Variants in ARFGAP3 observed in about 807,000 individuals in gnomAD.
ARFGAP3 encodes ARF GTPase activating protein 3, also known as ADP-ribosylation factor GTPase-activating protein 3.
Under a neutral mutation model 75.0 loss-of-function variants are expected in ARFGAP3, and 72 were observed. That is an observed-to-expected ratio of 0.96 (90% CI 0.79 to 1.17). ARFGAP3 has a LOEUF of 1.17. ARFGAP3 is among the 50% of genes most tolerant of loss of function. The pLI is 0.00. For synonymous variants in ARFGAP3, 221 were observed against 217.9 expected, an observed-to-expected ratio of 1.01 and a Z score of -0.13; for missense variants, 620 against 626.6, an observed-to-expected ratio of 0.99 and a Z score of 0.11.
Position 42,851,747 on chromosome 22 carries a change from G to C in ARFGAP3, c.70-4115C>G, listed in dbSNP as rs533234296. 2.0e-5 allele frequency among the ~76,000 whole-genome samples: 3 copies of C among 152,354 alleles called. No individual in the cohort carries two copies. In the South Asian group the frequency reaches 6.2e-4, roughly 32 times the overall value. The stretch of plus-strand genomic sequence containing the variant: ...AAGTCAAGATGTGGCTTTTAAAGCA[G>C]AACATCAGTTCTTATGGTGATGAGC... On this transcript the variant is annotated intron_variant, in intron 1 of 15. Coordinates refer to ENST00000263245, the MANE Select transcript of ARFGAP3 (RefSeq NM_014570.5).
chr22:42,835,582 G>GATT, intron 3 of ARFGAP3, 89 bp from the exon 4 acceptor site: 2 of 1,478,896 alleles, frequency 1.4e-6, no homozygotes, highest in Non-Finnish European at 1.8e-6. Flanking sequence ...AGCACTCTGG[G>GATT]AGGCCGAGGC....
At chr22:42,836,026 A>G (rs1926507590) in intron 3 of ARFGAP3, among the ~76,000 whole-genome samples, 1 of 129,034 alleles carries the variant, frequency 7.7e-6, no homozygotes, top group Non-Finnish European at 1.6e-5. Context: ...TCTATTACCC[A>G]GGCTGCAATG....
chr22:42,810,682 G>C (rs1268267795), intron 12 of ARFGAP3, 131 bp downstream of exon 12: 3 of 760,718 alleles, frequency 3.9e-6, no homozygotes, highest in Admixed American at 2.3e-5. Flanking sequence ...GCCTCTTAAA[G>C]TGCTGGGATT....
chr22:42,839,434 A>G (rs533216986), intron 3 of ARFGAP3, among the ~76,000 whole-genome samples: 1 of 151,848 alleles, frequency 6.6e-6, no homozygotes, highest in Non-Finnish European at 1.5e-5. Flanking sequence ...CCTCGTCTCT[A>G]CTAAAAATAC....
At chr22:42,809,113 A>G (rs1180804766) in intron 12 of ARFGAP3, 6 of 198,032 alleles carry the variant, frequency 3.0e-5, no homozygotes, top group Non-Finnish European at 5.4e-5. Flanking sequence ...GTTATTTCAC[A>G]TTTCAGTTCA....
chr22:42,827,515 C>T (rs1374073453), intron 6 of ARFGAP3, among the ~76,000 whole-genome samples: 1 of 152,102 alleles, frequency 6.6e-6, no homozygotes, highest in Non-Finnish European at 1.5e-5. Flanking sequence ...TACAGGCATG[C>T]GCCACCATGC....
intron 6 of ARFGAP3, among the ~76,000 whole-genome samples, chr22:42,830,560 G>T (rs1401412366): frequency 6.6e-6 from 1 of 152,162 alleles, no homozygotes; most frequent in Non-Finnish European, 1.5e-5. Flanking sequence ...GTTGTCCAAA[G>T]TTACATTTTT....
chr22:42,831,341 G>A (rs1239501652), intron 6 of ARFGAP3, among the ~76,000 whole-genome samples: 1 of 140,924 alleles, frequency 7.1e-6, no homozygotes, highest in Non-Finnish European at 1.5e-5. Context: ...TTAGGTTTCA[G>A]TTTTTTTTTT....
intron 2 of ARFGAP3, 47 bp downstream of exon 2, chr22:42,847,467 T>C (rs376037528): frequency 2.6e-5 from 39 of 1,503,610 alleles, no homozygotes; most frequent in Non-Finnish European, 3.5e-5. Context: ...AAAACACCCA[T>C]GTAACAATGT....
chr22:42,843,251 A>G (rs1926866056), intron 2 of ARFGAP3, among the ~76,000 whole-genome samples: 1 of 152,228 alleles, frequency 6.6e-6, no homozygotes, highest in Non-Finnish European at 1.5e-5. Flanking sequence ...AAAGCGCTCC[A>G]CAATATGACA....
chr22:42,807,531 C>A (rs1205744743), intron 13 of ARFGAP3, among the ~76,000 whole-genome samples: 1 of 152,188 alleles, frequency 6.6e-6, no homozygotes, highest in African/African-American at 2.4e-5. Flanking sequence ...TAAAACTGAA[C>A]TTGAATGTCA....
At chr22:42,839,861 A>G (rs1926702654) in intron 3 of ARFGAP3, among the ~76,000 whole-genome samples, 1 of 151,958 alleles carries the variant, frequency 6.6e-6, no homozygotes, top group South Asian at 2.1e-4. Flanking sequence ...GATCTTGATT[A>G]TTTTTATTTA....
intron 2 of ARFGAP3, among the ~76,000 whole-genome samples, chr22:42,841,935 T>C (rs1205426958): frequency 6.7e-6 from 1 of 150,164 alleles, no homozygotes; most frequent in Non-Finnish European, 1.5e-5. Context: ...TCACAGCTCA[T>C]TGCAGCCTCA....
In ARFGAP3 at chr22:42,838,290, A is replaced by ATATATATT. The variant is rs1555899059; in HGVS notation, c.261+2653_261+2654insAATATATA. ...TACACACACACATATATATATATAT[A>ATATATATT]TTTTTTTTTTCTTTTTTTTTTTTCT... On this transcript the variant is annotated intron_variant, in intron 3 of 15. Transcript: ENST00000263245. 9.0e-4 allele frequency among the ~76,000 whole-genome samples: 124 copies of ATATATATT among 137,182 alleles called. 1 individual carries two copies. The highest frequency in any genetic ancestry group is 2.5e-3 in the South Asian group (11 of 4,394). 90.0% of individuals were successfully genotyped at this position (137,182 alleles called of 152,430 possible).
chr22:42,839,640 A>C (rs947350706), intron 3 of ARFGAP3, among the ~76,000 whole-genome samples: 2 of 151,568 alleles, frequency 1.3e-5, no homozygotes, highest in Admixed American at 6.6e-5. Context: ...TTGTAGATTT[A>C]AGAAGTTAAA....
rs530844687 is a variant in ARFGAP3, at chr22:42,840,120, G to A, written c.261+824C>T. On this transcript the variant is annotated intron_variant, in intron 3 of 15. Coordinates refer to ENST00000263245, the MANE Select transcript of ARFGAP3 (RefSeq NM_014570.5). ...TAATTTTTGCATTTTTTGCAGAAAC[G>A]GAGTTTTGTCATGTTGTCCAGGTCA... is the stretch of plus-strand genomic sequence containing the variant. Among the ~76,000 whole-genome samples, 6 of 151,720 alleles carry A rather than the reference G, an allele frequency of 4.0e-5. No homozygotes were observed. The South Asian group carries it at 1.3e-3, about 32-fold the overall frequency.
intron 14 of ARFGAP3, among the ~76,000 whole-genome samples, chr22:42,801,784 C>T (rs999109903): frequency 6.6e-6 from 1 of 152,238 alleles, no homozygotes; most frequent in Non-Finnish European, 1.5e-5. Flanking sequence ...GAAATGAGAA[C>T]TGACAGTCCA....
At chr22:42,808,298 T>C (rs949871274) in intron 13 of ARFGAP3, among the ~76,000 whole-genome samples, 4 of 151,346 alleles carry the variant, frequency 2.6e-5, no homozygotes, top group African/African-American at 7.3e-5. Context: ...CTTGGGAGGC[T>C]GAGGCAGGAA....
chr22:42,809,736 G>A (rs1173409304), intron 12 of ARFGAP3, among the ~76,000 whole-genome samples: 2 of 152,124 alleles, frequency 1.3e-5, no homozygotes, highest in Non-Finnish European at 2.9e-5. Context: ...GGGTGCGGTG[G>A]CTCACGCCTG....
Sources: gnomAD v4.1 joint callset for allele counts (sites outside exome capture counted in the v4.1 genomes callset) on GRCh38, gnomAD v4.1.1 for gene constraint, MANE v1.5 for transcripts, NCBI Gene and HGNC (gene_info 2026-07-23, HGNC 2026-07-21) for gene names.